Variants in ERBB4 observed in about 807,000 individuals in gnomAD.
ERBB4 encodes the protein erb-b2 receptor tyrosine kinase 4.
Under a neutral mutation model 158.0 loss-of-function variants are expected in ERBB4, and 42 were observed. The observed-to-expected ratio is 0.27, with a 90% CI of 0.21 to 0.34. ERBB4 has a LOEUF of 0.34. Among genes scored for constraint, ERBB4 ranks in the 10% least tolerant of loss-of-function variants. ERBB4 has a pLI of 1.00. For missense variants in ERBB4, 1,333 were observed against 1,624.1 expected, an observed-to-expected ratio of 0.82 and a Z score of 3.08; for synonymous variants, 583 against 558.7, an observed-to-expected ratio of 1.04 and a Z score of -0.61.
rs1279622122 is a variant in ERBB4 at position 211,735,804 on chromosome 2, G to A, written c.623-10610C>T. Reference sequence around the variant, plus strand: ...CACAAGCACATTTTGAGTATATACAGAAGAATATGTTTTGCTTTTCTCCTC... The same window carrying A: ...CACAAGCACATTTTGAGTATATACAAAAGAATATGTTTTGCTTTTCTCCTC... On this transcript the variant is annotated intron_variant, in intron 5 of 27. Transcript: ENST00000342788. Among the ~76,000 whole-genome samples, 3 of 151,976 alleles carry A rather than the reference G, an allele frequency of 2.0e-5. No individual in the cohort carries two copies. In the South Asian group the frequency reaches 6.2e-4, roughly 31 times the overall value.
chr2:211,398,518 C>T (rs920650496), intron 25 of ERBB4, among the ~76,000 whole-genome samples: 3 of 152,108 alleles, frequency 2.0e-5, no homozygotes, highest in Admixed American at 6.6e-5. Flanking sequence ...TCACTCCAAT[C>T]TAATACTCAT....
intron 1 of ERBB4, among the ~76,000 whole-genome samples, chr2:212,145,136 C>T (rs568101467): frequency 2.0e-5 from 3 of 152,088 alleles, no homozygotes; most frequent in East Asian, 1.9e-4. Context: ...GTTTCCATTG[C>T]CTTTACATAT....
intron 12 of ERBB4, among the ~76,000 whole-genome samples, chr2:211,696,876 G>T (rs890250088): frequency 2.0e-5 from 3 of 151,912 alleles, no homozygotes; most frequent in Non-Finnish European, 4.4e-5. Context: ...CACCATGTTG[G>T]CCAGGCTGGT....
intron 13 of ERBB4, among the ~76,000 whole-genome samples, chr2:211,675,945 T>C (rs1301569612): frequency 6.6e-6 from 1 of 151,754 alleles, no homozygotes; most frequent in African/African-American, 2.4e-5. Flanking sequence ...ATGATAACAT[T>C]TATGGTAGAA....
At chr2:212,013,828 T>G (rs2076448058) in intron 2 of ERBB4, among the ~76,000 whole-genome samples, 1 of 152,202 alleles carries the variant, frequency 6.6e-6, no homozygotes, top group Non-Finnish European at 1.5e-5. Context: ...AGAAATTCCC[T>G]AGAGCCTCTG....
chr2:211,694,516 G>A (rs952807730), intron 12 of ERBB4, among the ~76,000 whole-genome samples: 23 of 150,706 alleles, frequency 1.5e-4, no homozygotes, highest in African/African-American at 5.1e-4. Context: ...TTAGTAATTA[G>A]ACAGTGTGCT....
intron 3 of ERBB4, among the ~76,000 whole-genome samples, chr2:211,911,159 G>A (rs549730731): frequency 6.6e-6 from 1 of 152,212 alleles, no homozygotes; most frequent in East Asian, 1.9e-4. Context: ...TTCTATAATG[G>A]GTAGTAAGTC....
chr2:211,938,467 C>T (rs1430651689), intron 3 of ERBB4, among the ~76,000 whole-genome samples: 1 of 151,824 alleles, frequency 6.6e-6, no homozygotes, highest in Non-Finnish European at 1.5e-5. Flanking sequence ...TTGCCATTAG[C>T]CAAATATGGC....
At chr2:212,519,305 G>C (rs1692016881) in intron 1 of ERBB4, among the ~76,000 whole-genome samples, 2 of 152,060 alleles carry the variant, frequency 1.3e-5, no homozygotes, top group South Asian at 2.1e-4. Flanking sequence ...ATTCAACTTT[G>C]AGTTACAGGT....
At chr2:212,074,017 C>G (rs1401515102) in intron 2 of ERBB4, among the ~76,000 whole-genome samples, 1 of 151,968 alleles carries the variant, frequency 6.6e-6, no homozygotes. Context: ...GGATTACACG[C>G]AAATGCTGAT....
intron 1 of ERBB4, among the ~76,000 whole-genome samples, chr2:212,195,815 C>T (rs2082410542): frequency 6.6e-6 from 1 of 152,056 alleles, no homozygotes; most frequent in African/African-American, 2.4e-5. Flanking sequence ...ATTAAACAGA[C>T]CAGAACCAAG....
intron 1 of ERBB4, among the ~76,000 whole-genome samples, chr2:212,186,316 A>G (rs1268732049): frequency 2.0e-5 from 3 of 152,168 alleles, no homozygotes; most frequent in African/African-American, 7.2e-5. Flanking sequence ...GTGCCTACAA[A>G]CTGGTTTAAG....
intron 2 of ERBB4, among the ~76,000 whole-genome samples, chr2:211,968,022 G>A (rs12998483): frequency 0.22 from 33,742 of 151,662 alleles, 3,944 homozygotes; most frequent in East Asian, 0.39. Flanking sequence ...GATATATTTA[G>A]TAACATTAAT....
intron 3 of ERBB4, among the ~76,000 whole-genome samples, chr2:211,916,543 A>C (rs886777172): frequency 2.0e-5 from 3 of 152,166 alleles, no homozygotes; most frequent in African/African-American, 7.2e-5. Flanking sequence ...GTAGAAGAAA[A>C]CAAATGCAAG....
chr2:211,973,711 C>A (rs1476217262), intron 2 of ERBB4, among the ~76,000 whole-genome samples: 1 of 152,116 alleles, frequency 6.6e-6, no homozygotes, highest in Non-Finnish European at 1.5e-5. Context: ...TACCATTCAA[C>A]CCAGCAATCC....
intron 3 of ERBB4, among the ~76,000 whole-genome samples, chr2:211,875,929 A>G (rs1221147025): frequency 6.6e-6 from 1 of 152,184 alleles, no homozygotes; most frequent in Non-Finnish European, 1.5e-5. Context: ...TATAGCCCAG[A>G]CGTGTAGGAG....
chr2:212,084,059 T>A (rs1327103685), intron 2 of ERBB4, among the ~76,000 whole-genome samples: 1 of 151,910 alleles, frequency 6.6e-6, no homozygotes, highest in African/African-American at 2.4e-5. Flanking sequence ...ATCATGAAGG[T>A]AAATCTTCTG....
intron 20 of ERBB4, among the ~76,000 whole-genome samples, chr2:211,490,692 A>T (rs2065318776): frequency 6.6e-6 from 1 of 152,028 alleles, no homozygotes; most frequent in Non-Finnish European, 1.5e-5. Flanking sequence ...ACGAAGAAGT[A>T]TGGGAGAACT....
At chr2:212,427,068 T>C (rs533686582) in intron 1 of ERBB4, among the ~76,000 whole-genome samples, 1 of 152,314 alleles carries the variant, frequency 6.6e-6, no homozygotes, top group East Asian at 1.9e-4. Flanking sequence ...GAAATCAATT[T>C]GTCATTCAAT....
Sources: allele counts gnomAD v4.1 joint callset (sites outside exome capture counted in the v4.1 genomes callset), GRCh38; gene constraint gnomAD v4.1.1; transcripts MANE v1.5; gene names NCBI Gene and HGNC (gene_info 2026-07-23, HGNC 2026-07-21).